The following STAT1 variants were observed in gnomAD, a reference collection of about 807,000 sequenced individuals.
STAT1 encodes the protein signal transducer and activator of transcription 1.
Under a neutral mutation model 111.7 loss-of-function variants are expected in STAT1, and 24 were observed. The observed-to-expected ratio is 0.21, with a 90% confidence interval of 0.16 to 0.30. The LOEUF is 0.30. STAT1 is among the 10% of genes least tolerant of loss of function. The pLI is 1.00. For missense variants in STAT1, 351 were observed against 911.9 expected, an observed-to-expected ratio of 0.38 and a Z score of 7.92; for synonymous variants, 332 against 326.5, an observed-to-expected ratio of 1.02 and a Z score of -0.18.
chr2:191,007,320 T>C lies in STAT1; in HGVS notation c.372+243A>G, dbSNP rs1256822305. ...ATTCAGCATGTTATCTTCTCAGCAC[T>C]TTATGCTACCCAGAAGTATCTTGTT... On this transcript the variant is annotated intron_variant, in intron 5 of 24. Coordinates refer to ENST00000361099, the MANE Select transcript of STAT1 (RefSeq NM_007315.4). The surrounding 1 kb of genome is among the most constrained non-coding windows in gnomAD (Gnocchi z 4.2). 6.6e-6 allele frequency among the ~76,000 whole-genome samples: 1 copy of C among 152,214 alleles called. No individual in the cohort carries two copies. The highest frequency in any genetic ancestry group is 1.5e-5 in the Non-Finnish European group (1 of 68,028).
At position 190,990,987 on chromosome 2, in the gene STAT1, C is replaced by T. The variant is rs540896284; in HGVS notation, c.1037+241G>A. ...TTGGAATTCTGTTTTCCTGTGAACA[C>T]GCATTACATTTATGATTGGAAAAAA... On this transcript the variant is annotated intron_variant, in intron 11 of 24. Transcript: ENST00000361099. The surrounding 1 kb of genome is among the most constrained non-coding windows in gnomAD (Gnocchi z 5.1). 1.3e-4 allele frequency among the ~76,000 whole-genome samples: 20 copies of T among 152,170 alleles called. No homozygotes were observed. Among genetic ancestry groups the T allele is most frequent in the African/African-American group, 3.4e-4 (14 of 41,512 alleles).
At position 190,998,372 on chromosome 2, in the gene STAT1, A is replaced by G. The variant is rs151285163; in HGVS notation, c.542-64T>C. ...ACAAAACCAACAAAAGCCAAGATTC[A>G]TATAAATTTAGGATAAATATGACAC... On this transcript the variant is annotated intron_variant, in intron 7 of 24. Transcript: ENST00000361099. This position sits in a 1 kb window ranked among gnomAD's most constrained non-coding sequence, Gnocchi z 4.1. 599 of 1,332,526 alleles carry G rather than the reference A, an allele frequency of 4.5e-4. 6 individuals are homozygous for G. The East Asian group carries it at 7.7e-3, about 17-fold the overall frequency. The allele number at this position is 1,332,526 out of a possible 1,614,324, so 82.5% of individuals were successfully genotyped here.
rs753139113 is a variant in STAT1 at position 191,006,445 on chromosome 2, G to A, written c.372+1118C>T. On this transcript the variant is annotated intron_variant, in intron 5 of 24. Transcript: ENST00000361099. The surrounding 1 kb of genome is among the most constrained non-coding windows in gnomAD (Gnocchi z 4.6). ...TGTGACAAGAAGATGGGAACTATACGCCTAGGGAAGTGACAGGATTACAAG... is the reference window on the plus strand; with the variant it reads ...TGTGACAAGAAGATGGGAACTATACACCTAGGGAAGTGACAGGATTACAAG... Among the ~76,000 whole-genome samples, 19 of 152,174 alleles carry A rather than the reference G, an allele frequency of 1.2e-4. No homozygotes were observed. The highest frequency in any genetic ancestry group is 1.7e-4 in the African/African-American group (7 of 41,448).
At position 190,981,554 on chromosome 2, in the gene STAT1, G is replaced by A. The variant is rs918139502; in HGVS notation, c.1582+829C>T. ...CTTAACTCTCACCAAATAAAGAAATGGAATAAGGGGATTTTGTACTTGTAT... is the reference window on the plus strand; with the variant it reads ...CTTAACTCTCACCAAATAAAGAAATAGAATAAGGGGATTTTGTACTTGTAT... On this transcript the variant is annotated intron_variant, in intron 18 of 24. Transcript: ENST00000361099. The surrounding 1 kb of genome is among the most constrained non-coding windows in gnomAD (Gnocchi z 4.1). 6.6e-6 allele frequency among the ~76,000 whole-genome samples: 1 copy of A among 152,190 alleles called. No homozygotes were observed. Among genetic ancestry groups the A allele is most frequent in the African/African-American group, 2.4e-5 (1 of 41,428 alleles).
chr2:191,000,263 T>C lies in STAT1; in HGVS notation c.463-559A>G, dbSNP rs958596575. 6.6e-6 allele frequency among the ~76,000 whole-genome samples: 1 copy of C among 152,232 alleles called. No homozygotes were observed. Among genetic ancestry groups the C allele is most frequent in the Non-Finnish European group, 1.5e-5 (1 of 68,032 alleles). On this transcript the variant is annotated intron_variant, in intron 6 of 24. Transcript: ENST00000361099. This position sits in a 1 kb window ranked among gnomAD's most constrained non-coding sequence, Gnocchi z 4.8. ...TGGGATTTGGTCACATTTCCACATA[T>C]TCTTCTCTGGATTTCCATGGCTATT...
At position 190,986,753 on chromosome 2, in the gene STAT1, G is replaced by T; in HGVS notation, c.1221+101C>A. 2.6e-6 allele frequency: 3 copies of T among 1,159,012 alleles called. No homozygotes were observed. The highest frequency in any genetic ancestry group is 2.6e-6 in the Non-Finnish European group (2 of 768,038). 71.8% of individuals were successfully genotyped at this position (1,159,012 alleles called of 1,614,324 possible). A position where few individuals can be genotyped will look rare whatever the true frequency, so the allele number is the denominator to read the frequency against. ...GCCACAAAGTCTACAAACCCCAGCA[G>T]GGGGGCGTCCTCCACATGGCAATGT... On this transcript the variant is annotated intron_variant, in intron 14 of 24. Transcript: ENST00000361099. The surrounding 1 kb of genome is among the most constrained non-coding windows in gnomAD (Gnocchi z 5.0).
Position 190,993,024 on chromosome 2 carries a change from A to T in STAT1, c.945-1704T>A. 3.4e-6 allele frequency: 1 copy of T among 297,954 alleles called. No individual in the cohort carries two copies. The highest frequency in any genetic ancestry group is 9.8e-5 in the East Asian group (1 of 10,224). The allele number at this position is 297,954 out of a possible 1,614,324, so 18.5% of individuals were successfully genotyped here. A position where few individuals can be genotyped will look rare whatever the true frequency, so the allele number is the denominator to read the frequency against. On this transcript the variant is annotated intron_variant, in intron 10 of 24. Transcript: ENST00000361099. The surrounding 1 kb of genome is among the most constrained non-coding windows in gnomAD (Gnocchi z 4.1). ...AGGCTGCTCTCGAACTCCTGACCTCAGGTGATCCACCCACCTCGGCCTCCC... is the reference window on the plus strand; with the variant it reads ...AGGCTGCTCTCGAACTCCTGACCTCTGGTGATCCACCCACCTCGGCCTCCC...
chr2:191,010,782 A>T (rs974897637), intron 2 of STAT1, among the ~76,000 whole-genome samples: 3 of 152,264 alleles, frequency 2.0e-5, no homozygotes, highest in Non-Finnish European at 2.9e-5. Context: ...TTAAAACATC[A>T]TTAAATGTAA....
At position 190,970,850 on chromosome 2, in the gene STAT1, G is replaced by A; in HGVS notation, c.2239-133C>T. On this transcript the variant is annotated intron_variant, in intron 24 of 24. Transcript: ENST00000361099. The surrounding 1 kb of genome is among the most constrained non-coding windows in gnomAD (Gnocchi z 5.4). ...CTTGCAATGGCAAATAAATACCGTG[G>A]AATAAGAGGGCCTTCAGCATGTACT... The A allele has an allele frequency of 2.4e-6, 2 of 834,810 alleles. 1 individual carries two copies. The highest frequency in any genetic ancestry group is 2.8e-5 in the South Asian group (2 of 70,374). The allele number at this position is 834,810 out of a possible 1,614,324, so 51.7% of individuals were successfully genotyped here. A position where few individuals can be genotyped will look rare whatever the true frequency, so the allele number is the denominator to read the frequency against.
rs1046545262 is a variant in STAT1 at position 190,982,701 on chromosome 2, T to C, written c.1447-183A>G. 1.3e-5 allele frequency among the ~76,000 whole-genome samples: 2 copies of C among 152,196 alleles called. No homozygotes were observed. Among genetic ancestry groups the C allele is most frequent in the Admixed American group, 1.3e-4 (2 of 15,288 alleles). ...TTACAGATGCACATTTGTGAACTTG[T>C]TTACTCACTAAAATTTACTTGTAAC... On this transcript the variant is annotated intron_variant, in intron 17 of 24. Transcript: ENST00000361099. This position sits in a 1 kb window ranked among gnomAD's most constrained non-coding sequence, Gnocchi z 7.3.
rs115086121 is a variant in STAT1, at chr2:190,995,667, G to C, written c.786-448C>G. 6.6e-6 allele frequency among the ~76,000 whole-genome samples: 1 copy of C among 152,294 alleles called. No individual in the cohort carries two copies. Among genetic ancestry groups the C allele is most frequent in the Non-Finnish European group, 1.5e-5 (1 of 68,022 alleles). On this transcript the variant is annotated intron_variant, in intron 9 of 24. Coordinates refer to ENST00000361099, the MANE Select transcript of STAT1 (RefSeq NM_007315.4). The surrounding 1 kb of genome is among the most constrained non-coding windows in gnomAD (Gnocchi z 4.2). The stretch of plus-strand genomic sequence containing the variant: ...CATATGGCATGGAAACCAACAAGTG[G>C]TTATATGCAACACAAAATGTCACCT...
Position 191,003,106 on chromosome 2 carries a change from A to G in STAT1, c.373-1943T>C, listed in dbSNP as rs1287198127. Among the ~76,000 whole-genome samples the G allele has an allele frequency of 6.6e-6, 1 of 152,186 alleles. No homozygotes were observed. The highest frequency in any genetic ancestry group is 1.9e-4 in the East Asian group (1 of 5,194). ...GTCCATAATTTTTTGTTTTATCTTT[A>G]TCAGGCATACGTCATCAAAGTTATT... On this transcript the variant is annotated intron_variant, in intron 5 of 24. Coordinates refer to ENST00000361099, the MANE Select transcript of STAT1 (RefSeq NM_007315.4). This position sits in a 1 kb window ranked among gnomAD's most constrained non-coding sequence, Gnocchi z 4.0.
chr2:190,999,472 A>G lies in STAT1; in HGVS notation c.541+154T>C, dbSNP rs565235719. 2.8e-4 allele frequency among the ~76,000 whole-genome samples: 43 copies of G among 152,216 alleles called. No individual in the cohort carries two copies. The highest frequency in any genetic ancestry group is 9.6e-4 in the African/African-American group (40 of 41,506). Reference sequence around the variant, plus strand: ...AACAAATTAGCCCGAAATGTCAATAATATTGGATGTTGAGAAGCCCTGGCC... The same window carrying G: ...AACAAATTAGCCCGAAATGTCAATAGTATTGGATGTTGAGAAGCCCTGGCC... On this transcript the variant is annotated intron_variant, in intron 7 of 24. Transcript: ENST00000361099. The surrounding 1 kb of genome is among the most constrained non-coding windows in gnomAD (Gnocchi z 4.1).
intron 5 of STAT1, among the ~76,000 whole-genome samples, chr2:191,005,900 G>GA (rs755703565): frequency 4.6e-5 from 7 of 152,168 alleles, no homozygotes; most frequent in Non-Finnish European, 8.8e-5. Context: ...GGTGTTCACG[G>GA]ACTCAGGTGT....
rs1483153138 is a variant in STAT1, at chr2:190,979,624, T to G, written c.1727+148A>C. On this transcript the variant is annotated intron_variant, in intron 20 of 24. Coordinates refer to ENST00000361099, the MANE Select transcript of STAT1 (RefSeq NM_007315.4). This position sits in a 1 kb window ranked among gnomAD's most constrained non-coding sequence, Gnocchi z 5.8. The stretch of plus-strand genomic sequence containing the variant: ...AGGTTAATGTTATGAGGTTCTACTC[T>G]TCTGAAGCCCTGAAGGGGCAGCCTA... 1 of 682,752 alleles carries G rather than the reference T, an allele frequency of 1.5e-6. No homozygotes were observed. The highest frequency in any genetic ancestry group is 1.8e-5 in the African/African-American group (1 of 55,604). 42.3% of individuals were successfully genotyped at this position (682,752 alleles called of 1,614,324 possible). A position where few individuals can be genotyped will look rare whatever the true frequency, so the allele number is the denominator to read the frequency against.
At position 190,973,248 on chromosome 2, in the gene STAT1, G is replaced by A. The variant is rs1409129051; in HGVS notation, c.2238+1582C>T. ...TAGCTTTTTGTGGGAGGCTTTCCAG[G>A]ATACCGGACAAAAGCATGCACTAGA... On this transcript the variant is annotated intron_variant, in intron 24 of 24. Transcript: ENST00000361099. This position sits in a 1 kb window ranked among gnomAD's most constrained non-coding sequence, Gnocchi z 4.4. Among the ~76,000 whole-genome samples the A allele has an allele frequency of 6.6e-6, 1 of 152,120 alleles. No homozygotes were observed. Among genetic ancestry groups the A allele is most frequent in the African/African-American group, 2.4e-5 (1 of 41,400 alleles).
rs770315023 is a variant in STAT1, at chr2:190,978,945, T to C, written c.1784A>G (p.Gln595Arg). 7.4e-6 allele frequency: 12 copies of C among 1,614,080 alleles called. No individual in the cohort carries two copies. In the South Asian group the frequency reaches 1.2e-4, roughly 16 times the overall value. The change falls in exon 21 of 25, where the codon CAG becomes CGG. Residue 595 changes from glutamine to arginine, a missense_variant. Around this residue, in one of 7 missense-constraint regions of STAT1, gnomAD observed 181 missense variants for 426.1 expected, o/e 0.42. Coordinates refer to ENST00000361099, the MANE Select transcript of STAT1 (RefSeq NM_007315.4). This position sits in a 1 kb window ranked among gnomAD's most constrained non-coding sequence, Gnocchi z 6.1. ...GAACCGCAGCAGGAAGGTCCCCGGC[T>C]GCTGGTCCTTCAACAGGGCACGCTC... ...ERERALLKDQ[Q>R]PGTFLLRFSE...
Position 190,978,762 on chromosome 2 carries a change from C to T in STAT1, c.1873+94G>A. ...AGTATAAGATCTGCAATTTCATGTCCCAAACGCACTATCTGTATGAGCTGA... is the reference window on the plus strand; with the variant it reads ...AGTATAAGATCTGCAATTTCATGTCTCAAACGCACTATCTGTATGAGCTGA... On this transcript the variant is annotated intron_variant, in intron 21 of 24. Coordinates refer to ENST00000361099, the MANE Select transcript of STAT1 (RefSeq NM_007315.4). This position sits in a 1 kb window ranked among gnomAD's most constrained non-coding sequence, Gnocchi z 6.1. The T allele has an allele frequency of 1.3e-6, 2 of 1,520,010 alleles. No homozygotes were observed. The highest frequency in any genetic ancestry group is 1.8e-6 in the Non-Finnish European group (2 of 1,118,384). 94.2% of individuals were successfully genotyped at this position (1,520,010 alleles called of 1,614,324 possible). A position where few individuals can be genotyped will look rare whatever the true frequency, so the allele number is the denominator to read the frequency against.
Position 190,983,866 on chromosome 2 carries a change from A to ATTTT in STAT1, c.1348-127_1348-126insAAAA. On this transcript the variant is annotated intron_variant, in intron 16 of 24. Coordinates refer to ENST00000361099, the MANE Select transcript of STAT1 (RefSeq NM_007315.4). The surrounding 1 kb of genome is among the most constrained non-coding windows in gnomAD (Gnocchi z 5.7). The stretch of plus-strand genomic sequence containing the variant: ...TGTACATATTTAATACTTGAAAATG[A>ATTTT]GAAGTGTTAAGTTCTGTTCTTCTGT... 1.2e-6 allele frequency: 1 copy of ATTTT among 804,890 alleles called. No individual in the cohort carries two copies. The highest frequency in any genetic ancestry group is 2.1e-6 in the Non-Finnish European group (1 of 474,530). 49.9% of individuals were successfully genotyped at this position (804,890 alleles called of 1,614,324 possible).
Sources: allele counts gnomAD v4.1 joint callset (sites outside exome capture counted in the v4.1 genomes callset), GRCh38; gene constraint gnomAD v4.1.1; regional missense constraint gnomAD v4.1.1; non-coding constraint Gnocchi (gnomAD v3.1); transcripts MANE v1.5; gene names NCBI Gene and HGNC (gene_info 2026-07-23, HGNC 2026-07-21).